Variants in CCDC158 observed in about 807,000 individuals in gnomAD.
CCDC158 encodes coiled-coil domain-containing protein 158.
CCDC158 carries 116 observed loss-of-function variants against 138.6 expected under a neutral mutation model. The ratio of observed to expected loss-of-function variants is 0.84; its 90% CI spans 0.72 to 0.98. CCDC158 has a LOEUF of 0.98. Among genes scored for constraint, CCDC158 ranks in the 50% least tolerant of loss-of-function variants. CCDC158 has a pLI of 0.00. For synonymous variants in CCDC158, 436 were observed against 442.4 expected, an observed-to-expected ratio of 0.99 and a Z score of 0.18; for missense variants, 1,265 against 1,306.1, an observed-to-expected ratio of 0.97 and a Z score of 0.48.
intron 24 of CCDC158, among the ~76,000 whole-genome samples, chr4:76,314,749 A>C (rs571570971): frequency 1.3e-5 from 2 of 152,186 alleles, no homozygotes; most frequent in African/African-American, 2.4e-5. Flanking sequence ...AGCCCAGGGA[A>C]GCCATCCCTG....
chr4:76,361,832 G>A (rs762442939), intron 13 of CCDC158, among the ~76,000 whole-genome samples: 3 of 152,170 alleles, frequency 2.0e-5, no homozygotes, highest in Non-Finnish European at 4.4e-5. Context: ...GTGAACACCT[G>A]TTTTCCTTTT....
chr4:76,342,601 A>T (rs1340814836), intron 18 of CCDC158, among the ~76,000 whole-genome samples: 2 of 152,216 alleles, frequency 1.3e-5, no homozygotes, highest in South Asian at 4.1e-4. Flanking sequence ...AACAATGTAA[A>T]CAGTAATATT....
At chr4:76,347,372 C>G (rs555923797) in intron 18 of CCDC158, among the ~76,000 whole-genome samples, 22 of 152,166 alleles carry the variant, frequency 1.4e-4, no homozygotes, top group African/African-American at 5.1e-4. Context: ...GAACACTATG[C>G]AGCCATAAAA....
chr4:76,395,823 G>C (rs1727733286), intron 4 of CCDC158, among the ~76,000 whole-genome samples: 2 of 152,160 alleles, frequency 1.3e-5, no homozygotes, highest in Admixed American at 1.3e-4. Context: ...ATGTCCACTT[G>C]AAATTTTTAG....
At chr4:76,329,072 A>G in intron 21 of CCDC158, 105 bp from the exon 22 acceptor site, 1 of 876,392 alleles carries the variant, frequency 1.1e-6, no homozygotes. Context: ...GGTTTAAAAT[A>G]TAACCTCAAG....
Position 76,371,525 on chromosome 4 carries a change from C to T in CCDC158, c.1041G>A (p.Leu347=), listed in dbSNP as rs753827000. The T allele has an allele frequency of 6.2e-7, 1 of 1,614,120 alleles. No homozygotes were observed. The highest frequency in any genetic ancestry group is 8.5e-7 in the Non-Finnish European group (1 of 1,179,990). ...KRMYEDKTEE[L]EKQLVLANSE... ...AGTTGGCAAGGACTAACTGCTTTTC[C>T]AGCTCTTCTGTCTGAAAGGAAAGTA... The change falls in exon 10 of 25, where the codon CTG becomes CTA. Residue 347 remains leucine, a synonymous_variant. Coordinates refer to ENST00000682701, the MANE Select transcript of CCDC158 (RefSeq NM_001394954.1).
At chr4:76,344,586 T>G in intron 18 of CCDC158, 1 of 1,243,630 alleles carries the variant, frequency 8.0e-7, no homozygotes. Flanking sequence ...TGTTGATCCC[T>G]CGCTTCAGGT....
At chr4:76,371,648 C>A in intron 9 of CCDC158, 112 bp from the exon 10 acceptor site, 1 of 1,332,944 alleles carries the variant, frequency 7.5e-7, no homozygotes. Context: ...AATAAAAGTT[C>A]GTTGTGAGGC....
At chr4:76,326,396 C>G (rs1398624439) in intron 22 of CCDC158, among the ~76,000 whole-genome samples, 1 of 151,894 alleles carries the variant, frequency 6.6e-6, no homozygotes, top group Non-Finnish European at 1.5e-5. Flanking sequence ...ATAAAAATAA[C>G]CAGGCATATA....
intron 13 of CCDC158, among the ~76,000 whole-genome samples, chr4:76,360,068 G>A (rs1723982290): frequency 6.6e-6 from 1 of 152,218 alleles, no homozygotes. Flanking sequence ...CATTTCAGCT[G>A]CTCCAGTTCC....
In CCDC158 at chr4:76,379,293, G is replaced by A; in HGVS notation, c.1026C>T (p.Asp342=). 6.3e-7 allele frequency: 1 copy of A among 1,592,118 alleles called. No individual in the cohort carries two copies. The highest frequency in any genetic ancestry group is 1.3e-5 in the African/African-American group (1 of 74,440). The change falls in exon 9 of 25, where the codon GAC becomes GAT. Residue 342 remains aspartate (D), a synonymous_variant. Coordinates refer to ENST00000682701, the MANE Select transcript of CCDC158 (RefSeq NM_001394954.1). ...ELREAKRMYE[D]KTEELEKQLV... ...GACCAGCAAAACCTAAACTCACCTT[G>A]TCTTCATACATCCTTTTGGCTTCCC...
In CCDC158 at chr4:76,369,523, A is replaced by G. The variant is rs1725028264; in HGVS notation, c.1250T>C (p.Leu417Pro). Reference protein sequence around the residue: ...DTGNSITIDHLRRELDNRNME... With the variant: ...DTGNSITIDHPRRELDNRNME... ...GTTCCGGTTGTCCAGTTCCCGCCGC[A>G]GGTGGTCAATGGTGATGCTGTTGCC... is the stretch of plus-strand genomic sequence containing the variant. The change falls in exon 11 of 25, where the codon CTG becomes CCG. Residue 417 changes from leucine to proline, a missense_variant. Leu to Pro is a moderately conservative substitution (Grantham distance 98, BLOSUM62 -3). Coordinates refer to ENST00000682701, the MANE Select transcript of CCDC158 (RefSeq NM_001394954.1). 8.1e-6 allele frequency: 13 copies of G among 1,613,986 alleles called. No homozygotes were observed. Among genetic ancestry groups the G allele is most frequent in the Non-Finnish European group, 1.1e-5 (13 of 1,180,018 alleles).
upstream of CCDC158, among the ~76,000 whole-genome samples, chr4:76,421,390 C>T (rs1383848478): frequency 1.3e-5 from 2 of 152,008 alleles, no homozygotes; most frequent in Non-Finnish European, 2.9e-5. Context: ...TGGGGGTGTA[C>T]CCAGCCCGGA....
intron 7 of CCDC158, among the ~76,000 whole-genome samples, chr4:76,383,042 A>C (rs1048915461): frequency 2.0e-5 from 3 of 152,214 alleles, no homozygotes; most frequent in African/African-American, 7.2e-5. Flanking sequence ...GCAATAATTT[A>C]TAAGTATTCA....
chr4:76,421,157 T>G (rs1316134888), upstream of CCDC158, among the ~76,000 whole-genome samples: 1 of 151,774 alleles, frequency 6.6e-6, no homozygotes, highest in Non-Finnish European at 1.5e-5. Flanking sequence ...CGCCCGTCAC[T>G]CCTCGCGGCT....
chr4:76,376,378 T>C (rs144633620), intron 9 of CCDC158, among the ~76,000 whole-genome samples: 20 of 152,326 alleles, frequency 1.3e-4, no homozygotes, highest in African/African-American at 4.6e-4. Flanking sequence ...ATCTCACTTT[T>C]AATCACAGCT....
chr4:76,315,587 C>A (rs1578839965), intron 24 of CCDC158, among the ~76,000 whole-genome samples: 2 of 152,218 alleles, frequency 1.3e-5, no homozygotes, highest in Non-Finnish European at 2.9e-5. Flanking sequence ...AATTCCACTG[C>A]CTGCAACATT....
chr4:76,398,866 A>C (rs533477685), intron 3 of CCDC158, among the ~76,000 whole-genome samples: 1 of 152,158 alleles, frequency 6.6e-6, no homozygotes, highest in South Asian at 2.1e-4. Flanking sequence ...AATGGTTATA[A>C]ATTTAAAGAG....
chr4:76,400,816 A>G (rs978243457), intron 3 of CCDC158, among the ~76,000 whole-genome samples: 2 of 152,156 alleles, frequency 1.3e-5, no homozygotes, highest in African/African-American at 4.8e-5. Flanking sequence ...TCAGCCTGAT[A>G]AGGATTTGGT....
Sources: gnomAD v4.1 joint callset for allele counts (sites outside exome capture counted in the v4.1 genomes callset) on GRCh38, gnomAD v4.1.1 for gene constraint, MANE v1.5 for transcripts, NCBI Gene and HGNC (gene_info 2026-07-23, HGNC 2026-07-21) for gene names.